Variants in ADAMTSL1 observed in about 807,000 individuals in gnomAD.
ADAMTSL1 encodes ADAMTS like 1.
Under a neutral mutation model 201.8 loss-of-function variants are expected in ADAMTSL1, and 126 were observed. The observed-to-expected ratio is 0.62, with a 90% CI of 0.54 to 0.72. The LOEUF is 0.72. Among genes scored for constraint, ADAMTSL1 ranks in the 30% least tolerant of loss-of-function variants. ADAMTSL1 has a pLI of 0.00. For synonymous variants in ADAMTSL1, 1,121 were observed against 903.4 expected (o/e 1.24, Z -4.32); for missense variants, 2,679 against 2,277.8 (o/e 1.18, Z -3.59).
At chr9:18,364,002 A>G (rs1255504302) in intron 2 of ADAMTSL1, among the ~76,000 whole-genome samples, 5 of 152,188 alleles carry the variant, frequency 3.3e-5, no homozygotes, top group Admixed American at 3.3e-4. Context: ...TGAAAAAAAA[A>G]TTCAAATCAC....
intron 1 of ADAMTSL1, among the ~76,000 whole-genome samples, chr9:17,959,866 C>T (rs988221636): frequency 3.9e-5 from 6 of 152,136 alleles, no homozygotes; most frequent in Non-Finnish European, 8.8e-5. Context: ...TCTGATTTAT[C>T]CATAAAATGG....
chr9:18,793,046 A>G (rs1822154430), intron 19 of ADAMTSL1, among the ~76,000 whole-genome samples: 1 of 152,236 alleles, frequency 6.6e-6, no homozygotes, highest in Non-Finnish European at 1.5e-5. Flanking sequence ...CATCCCTCAC[A>G]ATGTTTCAGC....
intron 23 of ADAMTSL1, among the ~76,000 whole-genome samples, chr9:18,852,082 C>T (rs1013338171): frequency 2.0e-5 from 3 of 152,178 alleles, no homozygotes; most frequent in Non-Finnish European, 2.9e-5. Flanking sequence ...TGCCTAACTA[C>T]CTACTCCAAC....
chr9:18,417,776 C>T (rs143330075), intron 2 of ADAMTSL1, among the ~76,000 whole-genome samples: 10 of 152,216 alleles, frequency 6.6e-5, no homozygotes, highest in Non-Finnish European at 1.0e-4. Context: ...ATGGTTTCAC[C>T]GCAATTTTTA....
chr9:18,171,603 C>T (rs1475102424), intron 2 of ADAMTSL1, among the ~76,000 whole-genome samples: 1 of 152,050 alleles, frequency 6.6e-6, no homozygotes, highest in Non-Finnish European at 1.5e-5. Flanking sequence ...GGACAGATTG[C>T]AAAAATTTTC....
chr9:17,984,409 T>C (rs1588522945), intron 1 of ADAMTSL1, among the ~76,000 whole-genome samples: 1 of 152,146 alleles, frequency 6.6e-6, no homozygotes, highest in African/African-American at 2.4e-5. Context: ...CATGCTTTTT[T>C]CTAGCCTTCT....
At position 18,777,020 on chromosome 9, in the gene ADAMTSL1, T is replaced by C; in HGVS notation, c.2791T>C (p.Tyr931His). ...GCACGTCACGGTGGCCCCCTTCGGC[T>C]ATCTCAAGATCCACCGCCTCAAGCC... ...STHVTVAPFGYLKIHRLKPSD... is the reference protein window; with the variant it reads ...STHVTVAPFGHLKIHRLKPSD... Residue 931 changes from tyrosine to histidine, a missense_variant, in exon 19 of 29, where the codon TAT (tyrosine) becomes CAT (histidine). Transcript: ENST00000380548. 3 of 1,607,244 alleles carry C rather than the reference T, an allele frequency of 1.9e-6. No individual in the cohort carries two copies. Among genetic ancestry groups the C allele is most frequent in the Non-Finnish European group, 2.6e-6 (3 of 1,175,520 alleles).
chr9:18,775,637 C>G, intron 17 of ADAMTSL1, 106 bp from the exon 18 acceptor site: 3 of 1,433,770 alleles, frequency 2.1e-6, no homozygotes, highest in Non-Finnish European at 2.9e-6. Context: ...GTGGTTATTG[C>G]TTTTCCAAGC....
chr9:18,548,522 A>G (rs929531955), intron 3 of ADAMTSL1, among the ~76,000 whole-genome samples: 1 of 152,072 alleles, frequency 6.6e-6, no homozygotes, highest in African/African-American at 2.4e-5. Flanking sequence ...TAATGAATCA[A>G]CAATCTCTAC....
At chr9:18,180,204 A>T (rs956043257) in intron 2 of ADAMTSL1, among the ~76,000 whole-genome samples, 5 of 152,156 alleles carry the variant, frequency 3.3e-5, no homozygotes, top group African/African-American at 1.2e-4. Context: ...ATGGAAAACA[A>T]AAAAAGGCAG....
intron 2 of ADAMTSL1, among the ~76,000 whole-genome samples, chr9:18,516,087 C>CAAAAAAAA (rs11418722): frequency 6.2e-4 from 81 of 130,996 alleles, no homozygotes; most frequent in Non-Finnish European, 1.0e-3. Context: ...CCTCAACTAC[C>CAAAAAAAA]AAAAAAAAAA....
intron 2 of ADAMTSL1, among the ~76,000 whole-genome samples, chr9:18,307,584 A>G (rs1833958083): frequency 6.6e-6 from 1 of 152,188 alleles, no homozygotes; most frequent in Non-Finnish European, 1.5e-5. Context: ...AAAAAAGATC[A>G]AAAAAGGCTA....
rs746728954 is a variant in ADAMTSL1, at chr9:18,572,124, G to A, written c.238-1906G>A. ...GTAGGAGAACTGCTTGAACCCAGGA[G>A]GCGGAGGTTGCAGTGAGCCGAGATC... On this transcript the variant is annotated intron_variant, in intron 3 of 28. Coordinates refer to ENST00000380548, the MANE Select transcript of ADAMTSL1 (RefSeq NM_001040272.6). Among the ~76,000 whole-genome samples the A allele has an allele frequency of 9.8e-4, 149 of 151,922 alleles. 1 individual carries two copies. Among genetic ancestry groups the A allele is most frequent in the Non-Finnish European group, 1.7e-3 (118 of 67,980 alleles).
chr9:17,971,897 A>G lies in ADAMTSL1; in HGVS notation c.87+64975A>G, dbSNP rs1457903619. ...CTGTGATACTAATCAGAACTAGGTA[A>G]GACTCTCTCCCTATATCCTTCATAT... is the stretch of plus-strand genomic sequence containing the variant. On this transcript the variant is annotated intron_variant, in intron 1 of 29. Transcript: ENST00000680146. 7.2e-5 allele frequency among the ~76,000 whole-genome samples: 11 copies of G among 152,036 alleles called. No individual in the cohort carries two copies. In the East Asian group the frequency reaches 1.9e-3, roughly 27 times the overall value.
At chr9:18,013,106 C>A (rs1820122802) in intron 1 of ADAMTSL1, among the ~76,000 whole-genome samples, 2 of 151,776 alleles carry the variant, frequency 1.3e-5, no homozygotes, top group African/African-American at 4.8e-5. Context: ...ATCCTGTACT[C>A]TGAACACCTA....
intron 2 of ADAMTSL1, among the ~76,000 whole-genome samples, chr9:18,408,972 A>G (rs2809856): frequency 0.26 from 39,397 of 152,104 alleles, 5,527 homozygotes; most frequent in African/African-American, 0.35. Context: ...TTATAGGTTT[A>G]CTTTGATACA....
At chr9:18,041,148 T>C (rs1325693345) in intron 1 of ADAMTSL1, among the ~76,000 whole-genome samples, 1 of 152,154 alleles carries the variant, frequency 6.6e-6, no homozygotes, top group African/African-American at 2.4e-5. Flanking sequence ...GAAGACTGGA[T>C]GTGAAGAGGA....
At chr9:18,241,214 T>A (rs1385543914) in intron 2 of ADAMTSL1, among the ~76,000 whole-genome samples, 1 of 152,198 alleles carries the variant, frequency 6.6e-6, no homozygotes, top group East Asian at 1.9e-4. Context: ...ATTTCTAGGT[T>A]TTGATTTCAA....
intron 1 of ADAMTSL1, among the ~76,000 whole-genome samples, chr9:18,102,662 G>T (rs913353360): frequency 6.6e-6 from 1 of 152,164 alleles, no homozygotes; most frequent in Non-Finnish European, 1.5e-5. Flanking sequence ...TTGTGCAAAG[G>T]TACCAAGGGA....
Sources: gnomAD v4.1 joint callset for allele counts (sites outside exome capture counted in the v4.1 genomes callset) on GRCh38, gnomAD v4.1.1 for gene constraint, MANE v1.5 for transcripts, NCBI Gene and HGNC (gene_info 2026-07-23, HGNC 2026-07-21) for gene names.